Variants in GPC5 observed in about 807,000 individuals in gnomAD.
GPC5 encodes the protein glypican-5.
A neutral mutation model predicts 53.9 loss-of-function variants in GPC5; 47 were observed. The ratio of observed to expected loss-of-function variants is 0.87; its 90% CI spans 0.69 to 1.11. GPC5 has a LOEUF of 1.11. GPC5 is among the 50% of genes most tolerant of loss of function. The probability of loss-of-function intolerance (pLI) is 0.00; values close to 1 mark genes in which losing one functional copy is unlikely to be tolerated. For synonymous variants in GPC5, 286 were observed against 263.3 expected (o/e 1.09, Z -0.84); for missense variants, 748 against 713.1 (o/e 1.05, Z -0.56).
At chr13:92,355,169 A>G (rs887739893) in intron 7 of GPC5, among the ~76,000 whole-genome samples, 10 of 151,766 alleles carry the variant, frequency 6.6e-5, no homozygotes, top group African/African-American at 2.4e-4. Context: ...AAGAAAAATT[A>G]TTCTCATTAA....
chr13:92,486,710 T>C (rs1387482198), intron 7 of GPC5, among the ~76,000 whole-genome samples: 1 of 152,188 alleles, frequency 6.6e-6, no homozygotes, highest in African/African-American at 2.4e-5. Context: ...CGTGCTCTAC[T>C]GTCCAAAAAA....
chr13:92,519,647 A>T (rs1178174240), intron 7 of GPC5, among the ~76,000 whole-genome samples: 2 of 152,228 alleles, frequency 1.3e-5, no homozygotes, highest in Non-Finnish European at 2.9e-5. Flanking sequence ...AGGGAAATTT[A>T]TAGCACTAAA....
At chr13:92,542,434 T>C (rs1013350135) in intron 7 of GPC5, among the ~76,000 whole-genome samples, 4 of 152,034 alleles carry the variant, frequency 2.6e-5, no homozygotes, top group Non-Finnish European at 5.9e-5. Context: ...AGTGATAACA[T>C]GTAGTATTTA....
chr13:92,716,834 A>G (rs1311732870), intron 7 of GPC5, among the ~76,000 whole-genome samples: 1 of 152,172 alleles, frequency 6.6e-6, no homozygotes, highest in Non-Finnish European at 1.5e-5. Context: ...ACAGCAACCA[A>G]TAAGCTTTCT....
chr13:91,659,677 A>G (rs2034936112), intron 2 of GPC5, among the ~76,000 whole-genome samples: 1 of 152,222 alleles, frequency 6.6e-6, no homozygotes, highest in Non-Finnish European at 1.5e-5. Context: ...ATTTGGGTCT[A>G]GCAGCCTCGA....
chr13:92,820,875 T>C (rs910440611), intron 7 of GPC5, among the ~76,000 whole-genome samples: 2 of 152,194 alleles, frequency 1.3e-5, no homozygotes, highest in Non-Finnish European at 2.9e-5. Flanking sequence ...CTATTAATTA[T>C]CATCATCACT....
chr13:92,454,273 C>T (rs1442691923), intron 7 of GPC5, among the ~76,000 whole-genome samples: 3 of 152,076 alleles, frequency 2.0e-5, no homozygotes, highest in Non-Finnish European at 4.4e-5. Context: ...ATAAATGTGA[C>T]TTGTCTTTAT....
At chr13:92,493,093 G>A (rs920665139) in intron 7 of GPC5, among the ~76,000 whole-genome samples, 13 of 152,184 alleles carry the variant, frequency 8.5e-5, no homozygotes, top group African/African-American at 2.9e-4. Flanking sequence ...TCTTAACACA[G>A]ACTCAACAGG....
At chr13:91,980,332 C>A (rs2040345856) in intron 6 of GPC5, among the ~76,000 whole-genome samples, 1 of 152,078 alleles carries the variant, frequency 6.6e-6, no homozygotes, top group East Asian at 1.9e-4. Flanking sequence ...ATCTATTCCC[C>A]ACAGTAATTC....
intron 7 of GPC5, among the ~76,000 whole-genome samples, chr13:92,531,352 T>C (rs1443458998): frequency 2.0e-5 from 3 of 151,956 alleles, no homozygotes; most frequent in Non-Finnish European, 4.4e-5. Flanking sequence ...GATATACTAC[T>C]TTTACTGGAT....
chr13:91,973,525 T>C (rs1005674499), intron 6 of GPC5, among the ~76,000 whole-genome samples: 8 of 152,344 alleles, frequency 5.3e-5, no homozygotes, highest in African/African-American at 1.9e-4. Context: ...TGTGTTCTTT[T>C]GGAGGAGGAG....
chr13:92,842,077 C>A (rs984129591), intron 7 of GPC5, among the ~76,000 whole-genome samples: 7 of 152,040 alleles, frequency 4.6e-5, no homozygotes, highest in African/African-American at 1.7e-4. Flanking sequence ...CTTTTCTCTG[C>A]CTAGATTATT....
At chr13:91,870,314 A>G (rs2039130344) in intron 5 of GPC5, among the ~76,000 whole-genome samples, 1 of 152,206 alleles carries the variant, frequency 6.6e-6, no homozygotes, top group Admixed American at 6.5e-5. Flanking sequence ...AACAAATGAC[A>G]GCAATTCTTG....
rs570082302 is a variant in GPC5 at position 92,071,975 on chromosome 13, T to G, written c.1402-72855T>G. Among the ~76,000 whole-genome samples, 33 of 146,292 alleles carry G rather than the reference T, an allele frequency of 2.3e-4. No individual in the cohort carries two copies. The South Asian group carries it at 6.7e-3, about 30-fold the overall frequency. Reference sequence around the variant, plus strand: ...ATTGTACATGTAAATTTTATATACATAAATATGTATATATTATTTATATGT... The same window carrying G: ...ATTGTACATGTAAATTTTATATACAGAAATATGTATATATTATTTATATGT... On this transcript the variant is annotated intron_variant, in intron 6 of 7. Transcript: ENST00000377067.
intron 7 of GPC5, among the ~76,000 whole-genome samples, chr13:92,574,198 T>G (rs1029482631): frequency 1.3e-5 from 2 of 152,206 alleles, no homozygotes; most frequent in African/African-American, 4.8e-5. Flanking sequence ...GTGATACAGA[T>G]AAAGTAGAAA....
intron 7 of GPC5, among the ~76,000 whole-genome samples, chr13:92,672,653 C>A (rs1038092707): frequency 6.6e-6 from 1 of 152,098 alleles, no homozygotes; most frequent in African/African-American, 2.4e-5. Context: ...CAGTGACACA[C>A]TGGATCAAGA....
chr13:91,560,620 T>A (rs1424452253), intron 2 of GPC5, among the ~76,000 whole-genome samples: 1 of 152,068 alleles, frequency 6.6e-6, no homozygotes, highest in East Asian at 1.9e-4. Context: ...AAACCAGTGA[T>A]CCCAGATGGG....
intron 7 of GPC5, among the ~76,000 whole-genome samples, chr13:92,706,277 A>T (rs959849015): frequency 6.6e-6 from 1 of 152,144 alleles, no homozygotes; most frequent in Admixed American, 6.6e-5. Flanking sequence ...AGAAATTAAA[A>T]GTTATAATTC....
At chr13:92,278,524 G>A (rs1179407245) in intron 7 of GPC5, among the ~76,000 whole-genome samples, 4 of 151,926 alleles carry the variant, frequency 2.6e-5, no homozygotes, top group Non-Finnish European at 5.9e-5. Context: ...TTTGGGATGG[G>A]CAATGTACCT....
Sources: allele counts gnomAD v4.1 joint callset (sites outside exome capture counted in the v4.1 genomes callset), GRCh38; gene constraint gnomAD v4.1.1; transcripts MANE v1.5; gene names NCBI Gene and HGNC (gene_info 2026-07-23, HGNC 2026-07-21).